The following ME3 variants were observed in gnomAD, a reference collection of about 807,000 sequenced individuals.
ME3 encodes the protein NADP-dependent malic enzyme, mitochondrial.
Under a neutral mutation model 68.9 loss-of-function variants are expected in ME3, and 48 were observed. The ratio of observed to expected loss-of-function variants is 0.70; its 90% CI spans 0.55 to 0.89. The LOEUF (loss-of-function observed/expected upper bound fraction) is 0.89, where lower values mean the gene tolerates loss of function less well. ME3 is among the 40% of genes least tolerant of loss of function. The pLI is 0.00. For missense variants in ME3, 675 were observed against 797.4 expected, an observed-to-expected ratio of 0.85 and a Z score of 1.85; for synonymous variants, 320 against 318.8, an observed-to-expected ratio of 1.00 and a Z score of -0.04.
intron 2 of ME3, among the ~76,000 whole-genome samples, chr11:86,576,311 C>A (rs1360967554): frequency 6.6e-6 from 1 of 152,138 alleles, no homozygotes; most frequent in Non-Finnish European, 1.5e-5. Context: ...CCACACAGAT[C>A]TTAATGATAG....
intron 4 of ME3, among the ~76,000 whole-genome samples, chr11:86,554,056 T>C (rs2139430093): frequency 6.6e-6 from 1 of 152,340 alleles, no homozygotes; most frequent in Non-Finnish European, 1.5e-5. Flanking sequence ...GAGGTTGTAA[T>C]CATTAAATGC....
intron 7 of ME3, among the ~76,000 whole-genome samples, chr11:86,470,874 G>A (rs759019219): frequency 6.6e-6 from 1 of 152,136 alleles, no homozygotes; most frequent in Non-Finnish European, 1.5e-5. Flanking sequence ...ACAAGTTTAT[G>A]TCGGCTACTT....
Position 86,556,712 on chromosome 11 carries a change from G to C in ME3, c.318-10C>G. On this transcript the variant is annotated splice_polypyrimidine_tract_variant and intron_variant, in intron 3 of 14. Coordinates refer to ENST00000543262, the Ensembl canonical transcript of ME3. Reference sequence around the variant, plus strand: ...CATGAGAATGATGTACCTTGTAAAAGGAGAGAAAAAGCAAGCTGACATGTG... The same window carrying C: ...CATGAGAATGATGTACCTTGTAAAACGAGAGAAAAAGCAAGCTGACATGTG... 6.2e-7 allele frequency: 1 copy of C among 1,613,574 alleles called. No homozygotes were observed. Among genetic ancestry groups the C allele is most frequent in the Non-Finnish European group, 8.5e-7 (1 of 1,179,644 alleles).
intron 2 of ME3, among the ~76,000 whole-genome samples, chr11:86,646,659 T>A (rs1945037803): frequency 6.6e-6 from 1 of 152,134 alleles, no homozygotes; most frequent in Admixed American, 6.6e-5. Flanking sequence ...CTTCCCCAAC[T>A]TAACAAGACA....
chr11:86,462,696 T>C, intron 8 of ME3: 5 of 803,164 alleles, frequency 6.2e-6, no homozygotes, highest in Non-Finnish European at 9.2e-6. Flanking sequence ...CAAGAATGGA[T>C]AAGGCATGGT....
At chr11:86,502,086 A>G (rs1451812672) in intron 5 of ME3, among the ~76,000 whole-genome samples, 1 of 152,160 alleles carries the variant, frequency 6.6e-6, no homozygotes, top group African/African-American at 2.4e-5. Context: ...TTTCCCCTTT[A>G]TTCTTTCCAT....
chr11:86,499,574 G>T (rs1004145158), intron 5 of ME3, among the ~76,000 whole-genome samples: 4 of 152,110 alleles, frequency 2.6e-5, no homozygotes, highest in African/African-American at 9.7e-5. Context: ...TTTATGATCT[G>T]GTACCCAAAG....
At chr11:86,502,276 T>C (rs1179657653) in intron 5 of ME3, among the ~76,000 whole-genome samples, 1 of 152,242 alleles carries the variant, frequency 6.6e-6, no homozygotes, top group Non-Finnish European at 1.5e-5. Flanking sequence ...ATTTTATCAC[T>C]TCCTTCTCTG....
intron 8 of ME3, among the ~76,000 whole-genome samples, chr11:86,451,976 C>A (rs1470393129): frequency 6.6e-6 from 1 of 152,178 alleles, no homozygotes; most frequent in African/African-American, 2.4e-5. Context: ...GTAGAAGCAA[C>A]ACCTTATGGA....
intron 8 of ME3, among the ~76,000 whole-genome samples, chr11:86,450,872 G>A (rs1011071178): frequency 2.6e-5 from 4 of 152,160 alleles, no homozygotes; most frequent in African/African-American, 7.2e-5. Context: ...GCACACCATC[G>A]TCAAATGGCT....
intron 2 of ME3, among the ~76,000 whole-genome samples, chr11:86,591,017 A>G (rs930636099): frequency 4.6e-5 from 7 of 152,152 alleles, no homozygotes; most frequent in South Asian, 2.1e-4. Context: ...GTGTTGGGCG[A>G]TGGGGGGAAG....
chr11:86,453,026 T>A (rs1373181377), intron 8 of ME3, among the ~76,000 whole-genome samples: 2 of 152,266 alleles, frequency 1.3e-5, no homozygotes, highest in East Asian at 3.9e-4. Flanking sequence ...TCAGACAGAA[T>A]CTCACTCGGT....
intron 2 of ME3, among the ~76,000 whole-genome samples, chr11:86,655,316 C>A (rs1028813990): frequency 2.0e-5 from 3 of 152,134 alleles, no homozygotes; most frequent in African/African-American, 7.2e-5. Context: ...AAGAACAAAG[C>A]TGGAGGCATC....
chr11:86,498,193 C>T lies in ME3; in HGVS notation c.544-69G>A, dbSNP rs907095828. Reference sequence around the variant, plus strand: ...GTGACAGGGTGCTCATTTTAGCAGCCCCAGCCCATCAGGCTTGGCGACTGG... The same window carrying T: ...GTGACAGGGTGCTCATTTTAGCAGCTCCAGCCCATCAGGCTTGGCGACTGG... On this transcript the variant is annotated intron_variant, in intron 5 of 14. Coordinates refer to ENST00000543262, the Ensembl canonical transcript of ME3. 17 of 1,519,360 alleles carry T rather than the reference C, an allele frequency of 1.1e-5. No homozygotes were observed. The African/African-American group carries it at 1.8e-4, about 16-fold the overall frequency. 94.1% of individuals were successfully genotyped at this position (1,519,360 alleles called of 1,614,324 possible).
chr11:86,595,669 G>T (rs1029549174), intron 2 of ME3, among the ~76,000 whole-genome samples: 1 of 152,190 alleles, frequency 6.6e-6, no homozygotes, highest in African/African-American at 2.4e-5. Context: ...GTGGAGAACT[G>T]GGATCTAGCT....
intron 13 of ME3, among the ~76,000 whole-genome samples, chr11:86,443,404 G>A (rs1475973408): frequency 2.6e-5 from 4 of 152,226 alleles, no homozygotes; most frequent in African/African-American, 2.4e-5. Flanking sequence ...CTCTCCTCCA[G>A]TGAGTGATTG....
chr11:86,671,943 A>G (rs2135539860), exon 2 of ME3: 1 of 1,426,754 alleles, frequency 7.0e-7, no homozygotes. Flanking sequence ...CGCGGCACCC[A>G]TGGTCCTTGG....
At position 86,522,327 on chromosome 11, in the gene ME3, CAAATT is replaced by C. The variant is rs1189859224; in HGVS notation, c.468-13465_468-13461del. On this transcript the variant is annotated intron_variant, in intron 4 of 14. Transcript: ENST00000543262. ...ATTAAAAAAATGGTAAAAAATAACA[CAAATT>C]AAAAATGTAGTGTAATGACTATTTT... is the stretch of plus-strand genomic sequence containing the variant. Among the ~76,000 whole-genome samples, 17 of 149,418 alleles carry C rather than the reference CAAATT, an allele frequency of 1.1e-4. 1 individual carries two copies. The highest frequency in any genetic ancestry group is 4.7e-4 in the Admixed American group (7 of 15,052).
chr11:86,480,951 C>T (rs981304607), intron 7 of ME3, among the ~76,000 whole-genome samples: 24 of 152,304 alleles, frequency 1.6e-4, no homozygotes, highest in African/African-American at 5.5e-4. Flanking sequence ...TCCTTACACC[C>T]TCACCTTGGG....
Sources: gnomAD v4.1 joint callset for allele counts (sites outside exome capture counted in the v4.1 genomes callset) on GRCh38, gnomAD v4.1.1 for gene constraint, MANE v1.5 for transcripts, NCBI Gene and HGNC (gene_info 2026-07-23, HGNC 2026-07-21) for gene names.